The following PM20D2 variants were observed in gnomAD, a reference collection of about 807,000 sequenced individuals.
The protein encoded by PM20D2 is peptidase M20 domain containing 2.
A neutral mutation model predicts 42.9 loss-of-function variants in PM20D2; 33 were observed. The observed-to-expected ratio is 0.77, with a 90% CI of 0.58 to 1.03. The LOEUF (loss-of-function observed/expected upper bound fraction) is 1.03. Ranked by LOEUF, PM20D2 falls within the 50% of genes least tolerant of loss-of-function variation. PM20D2 has a pLI of 0.00. For missense variants in PM20D2, 548 were observed against 557.0 expected, an observed-to-expected ratio of 0.98 and a Z score of 0.16; for synonymous variants, 250 against 228.2, an observed-to-expected ratio of 1.10 and a Z score of -0.86.
Position 89,162,449 on chromosome 6 carries a change from C to T in PM20D2, c.*186C>T, listed in dbSNP as rs142734792. ...TCTAAAGTGAAAATTTTTGCAAATC[C>T]GTACTTGATAGGATTATGATATTAC... is the stretch of plus-strand genomic sequence containing the variant. On this transcript the variant is annotated 3_prime_UTR_variant, in exon 7 of 7. Transcript: ENST00000275072. 1.6e-5 allele frequency: 9 copies of T among 546,046 alleles called. No individual in the cohort carries two copies. The highest frequency in any genetic ancestry group is 1.2e-4 in the South Asian group (4 of 34,694). The allele number at this position is 546,046 out of a possible 1,614,324, so 33.8% of individuals were successfully genotyped here.
chr6:89,139,054 T>C, the PM20D2 span, among the ~76,000 whole-genome samples: 1 of 152,076 alleles, frequency 6.6e-6, no homozygotes, highest in South Asian at 2.1e-4. Context: ...TTAGAGCAAA[T>C]AGGACTGTAA....
At chr6:89,118,851 G>A in the PM20D2 span, among the ~76,000 whole-genome samples, 1 of 152,174 alleles carries the variant, frequency 6.6e-6, no homozygotes, top group South Asian at 2.1e-4. Flanking sequence ...CAGTTTAAAT[G>A]CAGGGACAGT....
At chr6:89,097,291 T>G in the PM20D2 span, 2 of 152,128 alleles carry the variant, frequency 1.3e-5, no homozygotes, top group African/African-American at 4.8e-5. Context: ...TCTATAAATA[T>G]ATCCCCTATA....
At chr6:89,098,527 A>G in the PM20D2 span, 88 of 1,521,054 alleles carry the variant, frequency 5.8e-5, no homozygotes, top group East Asian at 3.4e-4. Context: ...TAACATAATG[A>G]GAGTTTAATA....
At chr6:89,150,572 C>T (rs557043559) in intron 2 of PM20D2, among the ~76,000 whole-genome samples, 4 of 124,868 alleles carry the variant, frequency 3.2e-5, no homozygotes, top group East Asian at 2.6e-4. Context: ...CTGAGTCTCA[C>T]TCAATTGCTC....
chr6:89,149,201 A>T, intron 1 of PM20D2, 64 bp from the exon 2 acceptor site: 1 of 1,549,960 alleles, frequency 6.5e-7, no homozygotes, highest in Non-Finnish European at 8.8e-7. Flanking sequence ...ATGCAGGTGA[A>T]CCTGTTTGAT....
chr6:89,142,697 A>G (rs1228413009), upstream of PM20D2, among the ~76,000 whole-genome samples: 1 of 151,928 alleles, frequency 6.6e-6, no homozygotes, highest in African/African-American at 2.4e-5. Context: ...TCGCTCTGTC[A>G]CCCAGGCTGG....
upstream of PM20D2, chr6:89,146,016 C>G (rs1044822704): frequency 3.6e-5 from 29 of 804,160 alleles, no homozygotes; most frequent in Admixed American, 4.3e-5. Flanking sequence ...GGGTGGTGCC[C>G]TGGGAGCTGT....
intron 1 of PM20D2, 103 bp downstream of exon 1, chr6:89,146,712 C>A: frequency 1.0e-6 from 1 of 977,122 alleles, no homozygotes; most frequent in Non-Finnish European, 1.4e-6. Context: ...GGTGCCCTCC[C>A]GCCCGGGGCA....
the PM20D2 span, among the ~76,000 whole-genome samples, chr6:89,114,032 A>G: frequency 2.0e-5 from 3 of 152,234 alleles, no homozygotes; most frequent in African/African-American, 7.2e-5. Flanking sequence ...AATACAGATT[A>G]CATGTGATGA....
chr6:89,106,167 C>A, the PM20D2 span, among the ~76,000 whole-genome samples: 6 of 152,154 alleles, frequency 3.9e-5, no homozygotes, highest in Non-Finnish European at 7.3e-5. Flanking sequence ...GTCACCCAGG[C>A]TGGAGTGCAA....
chr6:89,117,428 T>C, the PM20D2 span, among the ~76,000 whole-genome samples: 1 of 152,140 alleles, frequency 6.6e-6, no homozygotes. Context: ...CGCGATTTTA[T>C]CGGGGCACGG....
the PM20D2 span, among the ~76,000 whole-genome samples, chr6:89,135,950 A>G: frequency 4.0e-5 from 6 of 151,164 alleles, no homozygotes; most frequent in Non-Finnish European, 8.8e-5. Flanking sequence ...ATTGTAGGAC[A>G]AGGTCATATT....
chr6:89,109,367 G>A, the PM20D2 span, among the ~76,000 whole-genome samples: 2 of 151,972 alleles, frequency 1.3e-5, no homozygotes, highest in African/African-American at 4.8e-5. Context: ...CACACAGTAG[G>A]TACTCAATAT....
At chr6:89,120,206 G>C in the PM20D2 span, among the ~76,000 whole-genome samples, 5 of 152,156 alleles carry the variant, frequency 3.3e-5, no homozygotes, top group Non-Finnish European at 5.9e-5. Flanking sequence ...AATTCAAGAT[G>C]AAATTTGGGT....
chr6:89,116,947 A>C, the PM20D2 span, among the ~76,000 whole-genome samples: 1 of 152,090 alleles, frequency 6.6e-6, no homozygotes, highest in African/African-American at 2.4e-5. Flanking sequence ...CCTTATGTAC[A>C]ATAAAACAGT....
At chr6:89,103,411 C>T in the PM20D2 span, among the ~76,000 whole-genome samples, 2 of 152,042 alleles carry the variant, frequency 1.3e-5, no homozygotes, top group South Asian at 2.1e-4. Context: ...TCACTGCAAC[C>T]TCTGCCTCCC....
the PM20D2 span, chr6:89,106,789 ACT>A: frequency 2.8e-6 from 1 of 356,580 alleles, no homozygotes; most frequent in South Asian, 2.2e-5. Context: ...TGACTCTGGA[ACT>A]CTGAGTAAAT....
chr6:89,146,051 G>C (rs1770523764), upstream of PM20D2: 3 of 1,117,794 alleles, frequency 2.7e-6, no homozygotes, highest in Admixed American at 4.2e-5. Context: ...GCTCCGCCGG[G>C]GTCCTGGAGG....
Sources: gnomAD v4.1 joint callset for allele counts (sites outside exome capture counted in the v4.1 genomes callset) on GRCh38, gnomAD v4.1.1 for gene constraint, MANE v1.5 for transcripts, NCBI Gene and HGNC (gene_info 2026-07-23, HGNC 2026-07-21) for gene names.